The following ASPSCR1 variants were observed in gnomAD, a reference collection of about 807,000 sequenced individuals.
ASPSCR1 encodes tether containing UBX domain for GLUT4.
In ASPSCR1, 55 loss-of-function variants were observed where a neutral mutation model predicts 68.9. The ratio of observed to expected loss-of-function variants is 0.80; its 90% confidence interval spans 0.64 to 1.00. ASPSCR1 has a LOEUF of 1.00. ASPSCR1 is among the 50% of genes least tolerant of loss of function. The pLI is 0.00. For synonymous variants in ASPSCR1, 352 were observed against 332.6 expected, an observed-to-expected ratio of 1.06 and a Z score of -0.63; for missense variants, 765 against 762.2, an observed-to-expected ratio of 1.00 and a Z score of -0.04.
chr17:82,000,943 G>A (rs547962279), intron 7 of ASPSCR1, among the ~76,000 whole-genome samples: 5 of 152,286 alleles, frequency 3.3e-5, no homozygotes, highest in South Asian at 2.1e-4. Context: ...CACGAGGGCC[G>A]CTCCTGATCA....
chr17:81,982,445 C>G (rs988733535), intron 2 of ASPSCR1, among the ~76,000 whole-genome samples: 1 of 152,234 alleles, frequency 6.6e-6, no homozygotes. Context: ...AGGAATGCAG[C>G]CCCAGGCGTG....
Position 81,996,509 on chromosome 17 carries a change from C to T in ASPSCR1, c.596C>T (p.Pro199Leu). Reference protein sequence around the residue: ...ASAGQAAASAPLPLESGELSR... With the variant: ...ASAGQAAASALLPLESGELSR... Reference sequence around the variant, plus strand: ...GCTGGCCAGGCAGCCGCCAGCGCTCCACTTCCCTTGGAATCTGGGGAGCTC... The same window carrying T: ...GCTGGCCAGGCAGCCGCCAGCGCTCTACTTCCCTTGGAATCTGGGGAGCTC... Residue 199 changes from proline (P) to leucine (L), a missense_variant, in exon 7 of 16, where the codon CCA (proline) becomes CTA (leucine). Physicochemically the swap from Pro to Leu is moderately conservative, Grantham distance 98 (BLOSUM62 -3). Coordinates refer to ENST00000306739, the MANE Select transcript of ASPSCR1 (RefSeq NM_024083.4). 7.4e-6 allele frequency: 12 copies of T among 1,612,692 alleles called. No homozygotes were observed. The highest frequency in any genetic ancestry group is 9.3e-6 in the Non-Finnish European group (11 of 1,179,668).
chr17:82,000,314 TG>T (rs1598413840), intron 7 of ASPSCR1, among the ~76,000 whole-genome samples: 1 of 152,078 alleles, frequency 6.6e-6, no homozygotes, highest in East Asian at 1.9e-4. Context: ...GAGGCGCTGT[TG>T]GGGTGGGGTC....
In ASPSCR1 at chr17:81,994,926, A is replaced by G. The variant is rs757370849; in HGVS notation, c.432+48A>G. The G allele has an allele frequency of 5.8e-6, 9 of 1,551,150 alleles. No homozygotes were observed. The South Asian group carries it at 8.1e-5, about 14-fold the overall frequency. ...CCCAGTCCCCGCTCACTTTCAGCCC[A>G]CTTTCCAACTGGAAAATCTGCTGTC... On this transcript the variant is annotated intron_variant, in intron 5 of 15. Coordinates refer to ENST00000306739, the MANE Select transcript of ASPSCR1 (RefSeq NM_024083.4).
At position 82,006,471 on chromosome 17, in the gene ASPSCR1, C is replaced by T. The variant is rs541526414; in HGVS notation, c.934-2566C>T. ...GAGGGGTGTTCACTGTTGTGTCTGC[C>T]CATCTTTCTGTGGGCTGAAATATTT... On this transcript the variant is annotated intron_variant, in intron 7 of 15. Transcript: ENST00000306739. 18 of 152,284 alleles carry T rather than the reference C, an allele frequency of 1.2e-4. 1 individual carries two copies. Among genetic ancestry groups the T allele is most frequent in the African/African-American group, 4.1e-4 (17 of 41,518 alleles). The allele number at this position is 152,284 out of a possible 1,614,324, so 9.4% of individuals were successfully genotyped here.
chr17:81,994,899 C>T, intron 5 of ASPSCR1, 21 bp downstream of exon 5: 1 of 1,601,042 alleles, frequency 6.2e-7, no homozygotes, highest in Non-Finnish European at 8.5e-7. Flanking sequence ...TGCTCTTGCT[C>T]ACCCAGTCCC....
At position 82,012,225 on chromosome 17, in the gene ASPSCR1, C is replaced by T. The variant is rs1414902146; in HGVS notation, c.1301-6C>T. ...TTCCTAACACGTAGGTGCCTTCTCT[C>T]CTCAGTCATCACCCCTCCAAAAACA... On this transcript the variant is annotated splice_polypyrimidine_tract_variant and splice_region_variant and intron_variant, in intron 11 of 15. Transcript: ENST00000306739. The T allele has an allele frequency of 5.6e-6, 9 of 1,613,348 alleles. No individual in the cohort carries two copies. Among genetic ancestry groups the T allele is most frequent in the East Asian group, 2.2e-5 (1 of 44,892 alleles).
intron 12 of ASPSCR1, 29 bp from the exon 13 acceptor site, chr17:82,016,447 G>A (rs1283356213): frequency 1.8e-5 from 27 of 1,542,732 alleles, no homozygotes; most frequent in Middle Eastern, 2.3e-4. Context: ...GCCCACACCC[G>A]GCCCCTGAGC....
intron 4 of ASPSCR1, among the ~76,000 whole-genome samples, chr17:81,992,923 A>G (rs917684903): frequency 4.6e-5 from 7 of 152,178 alleles, no homozygotes; most frequent in Non-Finnish European, 7.3e-5. Context: ...GCTCCCCTGT[A>G]GGCAGTGGAC....
intron 6 of ASPSCR1, 133 bp from the exon 7 acceptor site, chr17:81,996,287 A>G (rs370646730): frequency 2.2e-6 from 3 of 1,339,698 alleles, no homozygotes; most frequent in Non-Finnish European, 1.9e-6. Flanking sequence ...GGGAGGGCGC[A>G]TGGGGCAGGA....
intron 2 of ASPSCR1, among the ~76,000 whole-genome samples, chr17:81,981,229 T>G (rs1358770261): frequency 1.3e-5 from 2 of 152,072 alleles, no homozygotes; most frequent in African/African-American, 4.8e-5. Flanking sequence ...TTTCTGTTTA[T>G]CCCTTAGGGA....
intron 9 of ASPSCR1, chr17:82,010,010 A>G (rs1018381946): frequency 3.7e-5 from 12 of 320,498 alleles, no homozygotes; most frequent in Admixed American, 1.4e-4. Flanking sequence ...CCCGGGTTCA[A>G]GTGGTTCTCC....
rs781180255 is a variant in ASPSCR1, at chr17:81,983,662, G to A, written c.267G>A (p.Glu89=). ...CTTCCCGGAGCCGTGAGGGGCCTGAGAACATGGTGGGTCGTGCTCTGGGGG... is the reference window on the plus strand; with the variant it reads ...CTTCCCGGAGCCGTGAGGGGCCTGAAAACATGGTGGGTCGTGCTCTGGGGG... ...VPASRSREGP[E]NMVRIALQLD... The change falls in exon 3 of 16, where the codon GAG becomes GAA. Residue 89 remains glutamate (E), a synonymous_variant. Coordinates refer to ENST00000306739, the MANE Select transcript of ASPSCR1 (RefSeq NM_024083.4). This position sits in a 1 kb window ranked among gnomAD's most constrained non-coding sequence, Gnocchi z 4.4. The A allele has an allele frequency of 3.7e-6, 6 of 1,610,632 alleles. No individual in the cohort carries two copies. The South Asian group carries it at 5.5e-5, about 15-fold the overall frequency.
intron 12 of ASPSCR1, chr17:82,015,934 C>T (rs749929584): frequency 5.2e-4 from 87 of 166,140 alleles, no homozygotes; most frequent in Non-Finnish European, 9.8e-4. Flanking sequence ...CCTGGGCCCC[C>T]GGCTGGAGGC....
intron 4 of ASPSCR1, 60 bp from the exon 5 acceptor site, chr17:81,994,761 C>T: frequency 1.3e-6 from 2 of 1,550,176 alleles, no homozygotes; most frequent in South Asian, 1.1e-5. Context: ...GCCCCAGGGC[C>T]TCCGTGGCAC....
intron 4 of ASPSCR1, among the ~76,000 whole-genome samples, chr17:81,991,069 A>T (rs1567964653): frequency 6.6e-6 from 1 of 152,118 alleles, no homozygotes; most frequent in Non-Finnish European, 1.5e-5. Context: ...CTGCCGTGGA[A>T]CGATGCCAAG....
In ASPSCR1 at chr17:81,986,863, C is replaced by T. The variant is rs917507832; in HGVS notation, c.374+1256C>T. ...CGGGTGTTGCGTTCGTGGGTGAGAG[C>T]GCTGAGGTCTGCACGTCGGGTCTCA... On this transcript the variant is annotated intron_variant, in intron 4 of 15. Transcript: ENST00000306739. The surrounding 1 kb of genome is among the most constrained non-coding windows in gnomAD (Gnocchi z 5.2). Among the ~76,000 whole-genome samples the T allele has an allele frequency of 1.5e-4, 22 of 150,758 alleles. No individual in the cohort carries two copies. Among genetic ancestry groups the T allele is most frequent in the Admixed American group, 3.3e-4 (5 of 15,204 alleles).
chr17:81,990,450 G>A lies in ASPSCR1; in HGVS notation c.375-4371G>A, dbSNP rs1387388470. ...GTGTGAACAGCCACGCCGAGCTCTG[G>A]GGGACACTGCTCTCCGCCTGCCTGG... is the stretch of plus-strand genomic sequence containing the variant. On this transcript the variant is annotated intron_variant, in intron 4 of 15. Coordinates refer to ENST00000306739, the MANE Select transcript of ASPSCR1 (RefSeq NM_024083.4). This position sits in a 1 kb window ranked among gnomAD's most constrained non-coding sequence, Gnocchi z 4.1. 6.6e-6 allele frequency among the ~76,000 whole-genome samples: 1 copy of A among 152,200 alleles called. No homozygotes were observed. The highest frequency in any genetic ancestry group is 1.5e-5 in the Non-Finnish European group (1 of 68,036).
In ASPSCR1 at chr17:82,015,018, C is replaced by CCCT; in HGVS notation, c.1354-1457_1354-1455dup. 4 of 1,515,798 alleles carry CCCT rather than the reference C, an allele frequency of 2.6e-6. No individual in the cohort carries two copies. In the South Asian group the frequency reaches 5.0e-5, roughly 19 times the overall value. The allele number at this position is 1,515,798 out of a possible 1,614,324, so 93.9% of individuals were successfully genotyped here. On this transcript the variant is annotated intron_variant, in intron 12 of 15. Transcript: ENST00000306739. ...CCTCAGCCTGTGCCTCCCTCAAAGG[C>CCCT]CCTTCCCGGGCCCTGCTCTGGCTGG...
Sources: allele counts gnomAD v4.1 joint callset (sites outside exome capture counted in the v4.1 genomes callset), GRCh38; gene constraint gnomAD v4.1.1; non-coding constraint Gnocchi (gnomAD v3.1); transcripts MANE v1.5; gene names NCBI Gene and HGNC (gene_info 2026-07-23, HGNC 2026-07-21).